FUT8: variants seen among roughly 807,000 people sequenced by gnomAD.
The protein encoded by FUT8 is alpha-(1,6)-fucosyltransferase.
Under a neutral mutation model 71.3 loss-of-function variants are expected in FUT8, and 29 were observed. The observed-to-expected ratio is 0.41, with a 90% CI of 0.30 to 0.55. FUT8 has a LOEUF of 0.55. FUT8 is among the 20% of genes least tolerant of loss of function. The pLI is 0.34. For missense variants in FUT8, 544 were observed against 702.1 expected (o/e 0.77, Z 2.55); for synonymous variants, 254 against 239.3 (o/e 1.06, Z -0.57).
intron 2 of FUT8, among the ~76,000 whole-genome samples, chr14:65,515,435 A>G (rs1198202141): frequency 6.6e-6 from 1 of 151,904 alleles, no homozygotes. Context: ...AAGAAGTGAG[A>G]CACTTGAACA....
intron 3 of FUT8, among the ~76,000 whole-genome samples, chr14:65,589,442 T>C (rs1594793945): frequency 6.4e-5 from 1 of 15,514 alleles, no homozygotes. Flanking sequence ...GCCTTAAATC[T>C]TTTTTTTTTT....
At chr14:65,670,253 G>A (rs1233928806) in intron 7 of FUT8, among the ~76,000 whole-genome samples, 1 of 152,042 alleles carries the variant, frequency 6.6e-6, no homozygotes, top group African/African-American at 2.4e-5. Context: ...CTAAAGTTGG[G>A]CTACCTTGTT....
At chr14:65,677,176 A>ATG (rs146092415) in intron 7 of FUT8, among the ~76,000 whole-genome samples, 30 of 72,152 alleles carry the variant, frequency 4.2e-4, no homozygotes, top group African/African-American at 9.7e-4. Context: ...GCGCGCACGT[A>ATG]TGTGTGTGCG....
chr14:65,443,196 G>T (rs2065687219), intron 1 of FUT8, among the ~76,000 whole-genome samples: 1 of 151,602 alleles, frequency 6.6e-6, no homozygotes, highest in Non-Finnish European at 1.5e-5. Context: ...GGATCACGAG[G>T]TTAGGAGATC....
At chr14:65,437,783 C>A (rs1467352644) in intron 1 of FUT8, among the ~76,000 whole-genome samples, 1 of 152,066 alleles carries the variant, frequency 6.6e-6, no homozygotes, top group Non-Finnish European at 1.5e-5. Context: ...ATTAGATGTG[C>A]TTTATGGATG....
chr14:65,437,782 G>A (rs1000045882), intron 1 of FUT8, among the ~76,000 whole-genome samples: 1 of 152,170 alleles, frequency 6.6e-6, no homozygotes, highest in Non-Finnish European at 1.5e-5. Flanking sequence ...GATTAGATGT[G>A]CTTTATGGAT....
At chr14:65,402,196 ATTTTTTT>A in the FUT8 span, among the ~76,000 whole-genome samples, 27 of 75,844 alleles carry the variant, frequency 3.6e-4, no homozygotes, top group African/African-American at 1.0e-3. Flanking sequence ...ATGGAGTGTG[ATTTTTTT>A]TTTTTTTTTT....
intron 2 of FUT8, among the ~76,000 whole-genome samples, chr14:65,487,374 C>A (rs2066423402): frequency 6.6e-6 from 1 of 151,914 alleles, no homozygotes; most frequent in South Asian, 2.1e-4. Context: ...ATCAGCCTGG[C>A]CAACATGGTG....
chr14:65,513,435 G>A (rs1882493991), intron 2 of FUT8, among the ~76,000 whole-genome samples: 1 of 152,172 alleles, frequency 6.6e-6, no homozygotes, highest in South Asian at 2.1e-4. Flanking sequence ...AGACCTTTAA[G>A]CATTGGAAAG....
chr14:65,730,140 G>GTAATCATTGT (rs1257236294), intron 9 of FUT8, among the ~76,000 whole-genome samples: 2 of 152,124 alleles, frequency 1.3e-5, no homozygotes, highest in African/African-American at 4.8e-5. Context: ...AGTATCCAAG[G>GTAATCATTGT]TAATCATTGT....
At chr14:65,536,552 C>G (rs942111895) in intron 2 of FUT8, among the ~76,000 whole-genome samples, 1 of 152,150 alleles carries the variant, frequency 6.6e-6, no homozygotes, top group African/African-American at 2.4e-5. Flanking sequence ...GTTGGAATAT[C>G]ATTTCTTCAA....
chr14:65,576,022 T>C (rs947262659), intron 3 of FUT8, among the ~76,000 whole-genome samples: 1 of 152,214 alleles, frequency 6.6e-6, no homozygotes, highest in East Asian at 1.9e-4. Flanking sequence ...ATATAAATAA[T>C]CACAACTATT....
At chr14:65,569,499 C>T (rs915212565) in intron 3 of FUT8, among the ~76,000 whole-genome samples, 10 of 151,762 alleles carry the variant, frequency 6.6e-5, no homozygotes, top group African/African-American at 2.4e-4. Flanking sequence ...TGCCGTTAAT[C>T]ACACACAGTT....
chr14:65,433,811 T>G lies in FUT8; in HGVS notation c.-326+20597T>G, dbSNP rs949079634. Among the ~76,000 whole-genome samples the G allele has an allele frequency of 2.0e-5, 3 of 151,930 alleles. 1 individual carries two copies. The highest frequency in any genetic ancestry group is 4.4e-5 in the Non-Finnish European group (3 of 67,970). On this transcript the variant is annotated intron_variant, in intron 1 of 10. Transcript: ENST00000673929. ...TTCTCTCTCTCTCTCTCTCTCTCTC[T>G]CTCTCTCGCTGTGTTGCCCAGGTTG...
At chr14:65,520,405 A>G (rs1464432030) in intron 2 of FUT8, among the ~76,000 whole-genome samples, 2 of 152,248 alleles carry the variant, frequency 1.3e-5, no homozygotes, top group African/African-American at 2.4e-5. Flanking sequence ...GAGAGAAGAC[A>G]TGTTCTTTGG....
chr14:65,727,828 G>A (rs1210676865), intron 9 of FUT8, among the ~76,000 whole-genome samples: 2 of 152,266 alleles, frequency 1.3e-5, no homozygotes, highest in East Asian at 3.9e-4. Flanking sequence ...TTATAAAACT[G>A]AATGCCTTTA....
intron 3 of FUT8, among the ~76,000 whole-genome samples, chr14:65,614,916 T>G (rs917265999): frequency 3.3e-5 from 5 of 152,148 alleles, no homozygotes; most frequent in Non-Finnish European, 7.3e-5. Context: ...TGGAGTACAG[T>G]ATACTGCCAT....
intron 2 of FUT8, among the ~76,000 whole-genome samples, chr14:65,505,306 G>GGTTTTTTTTTTTTTTTTTTTTTTTT (rs2066710960): frequency 1.0e-5 from 1 of 95,768 alleles, no homozygotes; most frequent in African/African-American, 4.4e-5. Context: ...CTACATTTCA[G>GGTTTTTTTTTTTTTTTTTTTTTTTT]TTTTTTTTTT....
At chr14:65,439,977 TATATATATATATATGTACAC>T (rs1566748262) in intron 1 of FUT8, among the ~76,000 whole-genome samples, 1 of 137,350 alleles carries the variant, frequency 7.3e-6, no homozygotes, top group African/African-American at 2.7e-5. Flanking sequence ...TATATATATA[TATATATATATATATGTACAC>T]ACACACAGTG....
Sources: gnomAD v4.1 joint callset for allele counts (sites outside exome capture counted in the v4.1 genomes callset) on GRCh38, gnomAD v4.1.1 for gene constraint, MANE v1.5 for transcripts, NCBI Gene and HGNC (gene_info 2026-07-23, HGNC 2026-07-21) for gene names.